Variants in KCNJ15 observed in about 807,000 individuals in gnomAD.
KCNJ15 encodes ATP-sensitive inward rectifier potassium channel 15.
Under a neutral mutation model 23.0 loss-of-function variants are expected in KCNJ15, and 14 were observed. That is an observed-to-expected ratio of 0.61 (90% CI 0.40 to 0.95). The LOEUF (loss-of-function observed/expected upper bound fraction) is 0.95, where lower values mean the gene tolerates loss of function less well. Among genes scored for constraint, KCNJ15 ranks in the 40% least tolerant of loss-of-function variants. KCNJ15 has a pLI of 0.00. For synonymous variants in KCNJ15, 185 were observed against 183.2 expected (o/e 1.01, Z -0.08); for missense variants, 388 against 461.8 (o/e 0.84, Z 1.46).
Position 38,301,822 on chromosome 21 carries a change from C to G in KCNJ15, c.*1433C>G, listed in dbSNP as rs1204745652. ...AATGGGCTATGACTGGTTAAATGTC[C>G]AAAAGGTGAATTCTCATTTCATTCA... On this transcript the variant is annotated 3_prime_UTR_variant, in exon 3 of 3. Coordinates refer to ENST00000398938, the MANE Select transcript of KCNJ15 (RefSeq NM_170736.3). 1 of 167,006 alleles carries G rather than the reference C, an allele frequency of 6.0e-6. No homozygotes were observed. Among genetic ancestry groups the G allele is most frequent in the Non-Finnish European group, 1.5e-5 (1 of 68,124 alleles). 10.3% of individuals were successfully genotyped at this position (167,006 alleles called of 1,614,324 possible).
chr21:38,261,427 A>G (rs1283632203), intron 1 of KCNJ15, among the ~76,000 whole-genome samples: 2 of 152,220 alleles, frequency 1.3e-5, no homozygotes, highest in Non-Finnish European at 2.9e-5. Context: ...AAGCCCTGAT[A>G]CTTGTCTCTT....
rs1569011049 is a variant in KCNJ15, at chr21:38,288,036, T to TTTTTTC, written c.-116-8885_-116-8884insCTTTTT. On this transcript the variant is annotated intron_variant, in intron 1 of 2. Transcript: ENST00000398938. ...ATAACTTGTTTTTTTCTTTGTTTTT[T>TTTTTTC]TTTTTTTTTTTTTTTTTTTTTTGAG... Among the ~76,000 whole-genome samples, 76 of 75,464 alleles carry TTTTTTC rather than the reference T, an allele frequency of 1.0e-3. 7 individuals carry two copies. Among genetic ancestry groups the TTTTTTC allele is most frequent in the Non-Finnish European group, 1.2e-3 (42 of 35,980 alleles). The allele number at this position is 75,464 out of a possible 152,430, so 49.5% of individuals were successfully genotyped here.
At chr21:38,251,598 T>C (rs1979839211) in intron 1 of KCNJ15, among the ~76,000 whole-genome samples, 1 of 152,234 alleles carries the variant, frequency 6.6e-6, no homozygotes, top group South Asian at 2.1e-4. Flanking sequence ...CCGTGGCAAA[T>C]GTGCACTCAG....
chr21:38,306,530 G>A lies in KCNJ15; in HGVS notation c.*6141G>A, dbSNP rs144749226. The A allele has an allele frequency of 6.6e-6, 1 of 152,164 alleles. No homozygotes were observed. The highest frequency in any genetic ancestry group is 1.5e-5 in the Non-Finnish European group (1 of 68,028). 9.4% of individuals were successfully genotyped at this position (152,164 alleles called of 1,614,324 possible). ...AAAGGGAAGATTTTTTTCATTCACT[G>A]TAGTTTTAGCTGTATTCTTTCATCT... is the stretch of plus-strand genomic sequence containing the variant. On this transcript the variant is annotated 3_prime_UTR_variant, in exon 3 of 3. Coordinates refer to ENST00000398938, the MANE Select transcript of KCNJ15 (RefSeq NM_170736.3).
chr21:38,241,793 C>T (rs1018844121), intron 1 of KCNJ15, among the ~76,000 whole-genome samples: 1 of 151,856 alleles, frequency 6.6e-6, no homozygotes, highest in Admixed American at 6.6e-5. Flanking sequence ...ATGGTGAAAC[C>T]CCGTCTCTAC....
chr21:38,262,550 C>T (rs879465918), intron 1 of KCNJ15, among the ~76,000 whole-genome samples: 10 of 152,224 alleles, frequency 6.6e-5, no homozygotes, highest in Middle Eastern at 6.8e-3. Context: ...GTATTTTGAA[C>T]GTCTTGTTTA....
intron 1 of KCNJ15, among the ~76,000 whole-genome samples, chr21:38,275,692 A>G (rs1216150228): frequency 6.6e-6 from 1 of 152,166 alleles, no homozygotes; most frequent in Non-Finnish European, 1.5e-5. Flanking sequence ...AGTTCATTTT[A>G]AAATCCCCCT....
At chr21:38,271,068 A>G (rs1982027718) in intron 1 of KCNJ15, among the ~76,000 whole-genome samples, 1 of 152,268 alleles carries the variant, frequency 6.6e-6, no homozygotes, top group Non-Finnish European at 1.5e-5. Flanking sequence ...GTTTCTGCTA[A>G]GTGGACCTTT....
At position 38,274,790 on chromosome 21, in the gene KCNJ15, C is replaced by A. The variant is rs115877769; in HGVS notation, c.-117+17605C>A. Among the ~76,000 whole-genome samples, 1,202 of 152,286 alleles carry A rather than the reference C, an allele frequency of 7.9e-3. 16 individuals carry two copies. Among genetic ancestry groups the A allele is most frequent in the African/African-American group, 0.027 (1,120 of 41,544 alleles). On this transcript the variant is annotated intron_variant, in intron 1 of 2. Coordinates refer to ENST00000398938, the MANE Select transcript of KCNJ15 (RefSeq NM_170736.3). ...CATAGGTGTCCAGCCATCTGGCTGG[C>A]CTTTCTCCAGTTCTTTTGCTGGAAA...
intron 1 of KCNJ15, among the ~76,000 whole-genome samples, chr21:38,274,439 C>T (rs1349205172): frequency 6.6e-6 from 1 of 152,124 alleles, no homozygotes; most frequent in East Asian, 1.9e-4. Flanking sequence ...GCACGTGGAG[C>T]TCTTGCACAC....
chr21:38,277,578 C>A (rs1048911518), intron 1 of KCNJ15, among the ~76,000 whole-genome samples: 1 of 152,028 alleles, frequency 6.6e-6, no homozygotes, highest in Admixed American at 6.5e-5. Context: ...TTGGAGGATA[C>A]GGGTGATTCA....
chr21:38,294,711 T>C (rs1338891641), intron 1 of KCNJ15, among the ~76,000 whole-genome samples: 1 of 152,214 alleles, frequency 6.6e-6, no homozygotes, highest in Admixed American at 6.5e-5. Flanking sequence ...GAAGTGTAGT[T>C]CTCCATATAG....
upstream of KCNJ15, among the ~76,000 whole-genome samples, chr21:38,253,509 T>C (rs1979978332): frequency 6.6e-6 from 1 of 152,216 alleles, no homozygotes; most frequent in South Asian, 2.1e-4. Flanking sequence ...TTTAAGCTGC[T>C]AGATTCATGG....
chr21:38,246,208 G>T (rs1979365098), intron 1 of KCNJ15, among the ~76,000 whole-genome samples: 1 of 152,214 alleles, frequency 6.6e-6, no homozygotes, highest in South Asian at 2.1e-4. Context: ...AACGAATCAT[G>T]TATCTAGGCT....
chr21:38,300,285 T>C lies in KCNJ15; in HGVS notation c.1024T>C (p.Tyr342His). 1 of 1,613,946 alleles carries C rather than the reference T, an allele frequency of 6.2e-7. No individual in the cohort carries two copies. The highest frequency in any genetic ancestry group is 1.7e-5 in the Admixed American group (1 of 60,030). The change falls in exon 3 of 3, where the codon TAC (tyrosine) becomes CAC (histidine). Residue 342 changes from tyrosine to histidine, a missense_variant. Coordinates refer to ENST00000398938, the MANE Select transcript of KCNJ15 (RefSeq NM_170736.3). The stretch of plus-strand genomic sequence containing the variant: ...TCGGAAAAGCCCAGATTGCACATTT[T>C]ACTGTGCAGATTCTGAGAAACAGCA... ...QIRKSPDCTF[Y>H]CADSEKQQLE...
chr21:38,233,367 T>G (rs1978398720), intron 1 of KCNJ15, among the ~76,000 whole-genome samples: 1 of 152,130 alleles, frequency 6.6e-6, no homozygotes, highest in Admixed American at 6.5e-5. Flanking sequence ...TCTTGTTTTT[T>G]TATCCAATTT....
At chr21:38,257,381 G>A (rs1233663750) in intron 1 of KCNJ15, among the ~76,000 whole-genome samples, 196 bp downstream of exon 1, 2 of 152,104 alleles carry the variant, frequency 1.3e-5, no homozygotes, top group Admixed American at 1.3e-4. Context: ...TTTACTTAAT[G>A]ATGGGACAAA....
Position 38,278,257 on chromosome 21 carries a change from T to C in KCNJ15, c.-116-18669T>C, listed in dbSNP as rs150885792. On this transcript the variant is annotated intron_variant, in intron 1 of 2. Coordinates refer to ENST00000398938, the MANE Select transcript of KCNJ15 (RefSeq NM_170736.3). Reference sequence around the variant, plus strand: ...GCATTGGCATGTACAAGATGAGATATGGCAGCTTGCATTCCAGTGGAAGGT... The same window carrying C: ...GCATTGGCATGTACAAGATGAGATACGGCAGCTTGCATTCCAGTGGAAGGT... 3.3e-5 allele frequency among the ~76,000 whole-genome samples: 5 copies of C among 152,338 alleles called. No homozygotes were observed. The East Asian group carries it at 9.6e-4, about 29-fold the overall frequency.
chr21:38,251,499 C>T (rs1000058461), intron 1 of KCNJ15, among the ~76,000 whole-genome samples: 17 of 152,202 alleles, frequency 1.1e-4, no homozygotes, highest in Admixed American at 9.2e-4. Flanking sequence ...CACTTCCATA[C>T]GGAGCCCCTA....
Sources: gnomAD v4.1 joint callset for allele counts (sites outside exome capture counted in the v4.1 genomes callset) on GRCh38, gnomAD v4.1.1 for gene constraint, MANE v1.5 for transcripts, NCBI Gene and HGNC (gene_info 2026-07-23, HGNC 2026-07-21) for gene names.